The following MIB1 variants were observed in gnomAD, a reference collection of about 807,000 sequenced individuals.
The protein encoded by MIB1 is MIB E3 ubiquitin protein ligase 1, also known as E3 ubiquitin-protein ligase MIB1.
Under a neutral mutation model 124.5 loss-of-function variants are expected in MIB1, and 278 were observed. The ratio of observed to expected loss-of-function variants is 2.23; its 90% CI spans 2.02 to 2.47. The LOEUF is 2.47. Among genes scored for constraint, MIB1 ranks in the 30% most tolerant of loss-of-function variants. MIB1 has a pLI of 0.00. For missense variants in MIB1, 957 were observed against 1,254.4 expected (o/e 0.76, Z 3.58); for synonymous variants, 446 against 429.4 (o/e 1.04, Z -0.48).
rs568137323 is a variant in MIB1, at chr18:21,814,686, C to T, written c.1480-930C>T. Among the ~76,000 whole-genome samples the T allele has an allele frequency of 6.6e-5, 10 of 151,906 alleles. No individual in the cohort carries two copies. The South Asian group carries it at 1.9e-3, about 28-fold the overall frequency. ...CCTCCCGGATTCAAGCAGTTCTCCT[C>T]CCTCAGCCTCCCGGGTAGCTGGGAT... is the stretch of plus-strand genomic sequence containing the variant. On this transcript the variant is annotated intron_variant, in intron 10 of 20. Coordinates refer to ENST00000261537, the MANE Select transcript of MIB1 (RefSeq NM_020774.4).
chr18:21,781,983 CTT>C (rs2041374091), intron 6 of MIB1, among the ~76,000 whole-genome samples: 1 of 151,948 alleles, frequency 6.6e-6, no homozygotes, highest in Non-Finnish European at 1.5e-5. Flanking sequence ...GATATTTTCT[CTT>C]TTTATTGTCT....
intron 2 of MIB1, among the ~76,000 whole-genome samples, chr18:21,767,792 C>A (rs545364473): frequency 6.6e-6 from 1 of 152,162 alleles, no homozygotes; most frequent in Non-Finnish European, 1.5e-5. Context: ...CGTGATCCAC[C>A]TGCCTTGGCC....
chr18:21,859,699 G>A (rs1016882015), intron 20 of MIB1, among the ~76,000 whole-genome samples: 10 of 151,962 alleles, frequency 6.6e-5, no homozygotes, highest in Admixed American at 6.5e-4. Context: ...GACCAGCCTG[G>A]CCAACATGGC....
rs779448637 is a variant in MIB1 at position 21,798,164 on chromosome 18, A to T, written c.1173A>T (p.Thr391=). The change falls in exon 8 of 21, where the codon ACA becomes ACT. Residue 391 remains threonine, a synonymous_variant. Transcript: ENST00000261537. ...LKVEVCGTSW[T]YNPAAVSKVA... Reference sequence around the variant, plus strand: ...TGGAAGTTTGTGGAACATCTTGGACATACAATCCAGCAGCAGTTTCCAAGG... The same window carrying T: ...TGGAAGTTTGTGGAACATCTTGGACTTACAATCCAGCAGCAGTTTCCAAGG... 6.2e-7 allele frequency: 1 copy of T among 1,613,304 alleles called. No individual in the cohort carries two copies. Among genetic ancestry groups the T allele is most frequent in the Non-Finnish European group, 8.5e-7 (1 of 1,179,490 alleles).
intron 20 of MIB1, among the ~76,000 whole-genome samples, chr18:21,859,461 A>G (rs186008106): frequency 6.0e-4 from 91 of 152,052 alleles, no homozygotes; most frequent in Non-Finnish European, 1.1e-3. Flanking sequence ...GCACAAGGGA[A>G]GAAGGGAAGT....
chr18:21,864,313 A>G (rs1345802439), intron 20 of MIB1, among the ~76,000 whole-genome samples: 3 of 151,988 alleles, frequency 2.0e-5, no homozygotes, highest in Non-Finnish European at 2.9e-5. Context: ...CTTATGTAGT[A>G]CCTTTCATAC....
intron 1 of MIB1, among the ~76,000 whole-genome samples, chr18:21,760,664 A>G (rs2041087583): frequency 6.6e-6 from 1 of 152,222 alleles, no homozygotes; most frequent in Non-Finnish European, 1.5e-5. Flanking sequence ...CTGTACACAG[A>G]TTATGAGCTC....
chr18:21,796,480 G>A (rs2041582336), intron 7 of MIB1, among the ~76,000 whole-genome samples: 1 of 152,184 alleles, frequency 6.6e-6, no homozygotes, highest in South Asian at 2.1e-4. Flanking sequence ...GGGTTGATAG[G>A]TGCAGCAGAC....
At chr18:21,800,048 C>G in intron 9 of MIB1, 74 bp downstream of exon 9, 1 of 1,262,976 alleles carries the variant, frequency 7.9e-7, no homozygotes, top group East Asian at 2.4e-5. Context: ...TCAACAATTA[C>G]TAAGATTTTG....
chr18:21,758,722 A>G (rs764637458), intron 1 of MIB1, among the ~76,000 whole-genome samples: 2 of 152,106 alleles, frequency 1.3e-5, no homozygotes, highest in African/African-American at 4.8e-5. Context: ...TTTAGTAGAG[A>G]CAGGGTTTCA....
intron 20 of MIB1, among the ~76,000 whole-genome samples, chr18:21,859,611 G>A (rs4800929): frequency 0.52 from 79,422 of 151,678 alleles, 23,878 homozygotes; most frequent in Non-Finnish European, 0.67. Context: ...GAAAGGGGCC[G>A]GGCGTGGTGG....
At chr18:21,803,697 C>T in intron 9 of MIB1, 1 of 412,128 alleles carries the variant, frequency 2.4e-6, no homozygotes, top group Non-Finnish European at 4.3e-6. Context: ...ACTCTTTGGA[C>T]AATGAAACTT....
chr18:21,829,299 T>C, intron 12 of MIB1: 2 of 300,062 alleles, frequency 6.7e-6, no homozygotes, highest in South Asian at 2.9e-5. Context: ...TGACCAGTTA[T>C]CTGTTGAACT....
intron 1 of MIB1, among the ~76,000 whole-genome samples, chr18:21,764,395 GT>G (rs2041132428): frequency 6.6e-6 from 1 of 152,044 alleles, no homozygotes; most frequent in African/African-American, 2.4e-5. Context: ...CATAGGGTTT[GT>G]TTTTCTTTCT....
At chr18:21,708,454 G>A (rs2040650372) in intron 1 of MIB1, among the ~76,000 whole-genome samples, 1 of 152,102 alleles carries the variant, frequency 6.6e-6, no homozygotes. Context: ...AGGAGTTCGA[G>A]ACCAGCTTGA....
Position 21,791,420 on chromosome 18 carries a change from A to G in MIB1, c.955A>G (p.Ser319Gly), listed in dbSNP as rs1166742736. 6.2e-7 allele frequency: 1 copy of G among 1,613,800 alleles called. No individual in the cohort carries two copies. Among genetic ancestry groups the G allele is most frequent in the African/African-American group, 1.3e-5 (1 of 75,034 alleles). Residue 319 changes from serine (S) to glycine (G), a missense_variant, in exon 7 of 21, where the codon AGT (serine) becomes GGT (glycine). Transcript: ENST00000261537. ...AVLTKANIVRSGDAAQGAEGG... is the reference protein window; with the variant it reads ...AVLTKANIVRGGDAAQGAEGG... ...TCTCACTAAAGCGAACATTGTCCGAAGTGGAGATGCTGCTCAGGGTGCAGA... is the reference window on the plus strand; with the variant it reads ...TCTCACTAAAGCGAACATTGTCCGAGGTGGAGATGCTGCTCAGGGTGCAGA...
At chr18:21,718,854 G>A (rs758117252) in intron 1 of MIB1, among the ~76,000 whole-genome samples, 2 of 152,006 alleles carry the variant, frequency 1.3e-5, no homozygotes, top group East Asian at 1.9e-4. Flanking sequence ...AGTTCAAGAC[G>A]AGTCTAGTCA....
chr18:21,784,236 A>G (rs760198256), intron 6 of MIB1, among the ~76,000 whole-genome samples: 9 of 151,364 alleles, frequency 5.9e-5, no homozygotes, highest in Non-Finnish European at 1.3e-4. Flanking sequence ...TTTAGTAGAG[A>G]GGGGGTTTCA....
At chr18:21,852,025 G>C (rs570019620) in intron 17 of MIB1, among the ~76,000 whole-genome samples, 1 of 152,238 alleles carries the variant, frequency 6.6e-6, no homozygotes, top group East Asian at 1.9e-4. Context: ...TAATTATTAT[G>C]TATTAGGCAC....
Sources: allele counts gnomAD v4.1 joint callset (sites outside exome capture counted in the v4.1 genomes callset), GRCh38; gene constraint gnomAD v4.1.1; transcripts MANE v1.5; gene names NCBI Gene and HGNC (gene_info 2026-07-23, HGNC 2026-07-21).